TIMP3: variants seen among roughly 807,000 people sequenced by gnomAD.
TIMP3 encodes TIMP metallopeptidase inhibitor 3.
TIMP3 carries 11 observed loss-of-function variants against 30.0 expected under a neutral mutation model. That is an observed-to-expected ratio of 0.37 (90% CI 0.23 to 0.61). The LOEUF is 0.61. TIMP3 is among the 20% of genes least tolerant of loss of function. The pLI, the probability that TIMP3 is intolerant of heterozygous loss-of-function variation, is 0.70. For missense variants in TIMP3, 181 were observed against 276.8 expected (o/e 0.65, Z 2.45); for synonymous variants, 112 against 111.3 (o/e 1.01, Z -0.04).
In TIMP3 at chr22:32,801,953, A is replaced by C. The variant is rs768022114; in HGVS notation, c.-49A>C. ...CAGCCCCGCCGGCGGCGCGCACGGCAACTTTGGAGAGGCGAGCAGCAGCCC... is the reference window on the plus strand; with the variant it reads ...CAGCCCCGCCGGCGGCGCGCACGGCCACTTTGGAGAGGCGAGCAGCAGCCC... On this transcript the variant is annotated 5_prime_UTR_variant, in exon 1 of 5. Transcript: ENST00000266085. This position sits in a 1 kb window ranked among gnomAD's most constrained non-coding sequence, Gnocchi z 4.7. 3.9e-6 allele frequency: 6 copies of C among 1,555,534 alleles called. No homozygotes were observed. The highest frequency in any genetic ancestry group is 5.2e-6 in the Non-Finnish European group (6 of 1,160,464).
intron 1 of TIMP3, among the ~76,000 whole-genome samples, chr22:32,808,329 C>CTT (rs2046820877): frequency 6.6e-6 from 1 of 152,200 alleles, no homozygotes; most frequent in South Asian, 2.1e-4. Context: ...ACTCACTCAT[C>CTT]TGTCTCCCTT....
intron 1 of TIMP3, among the ~76,000 whole-genome samples, chr22:32,848,173 C>T (rs1288976723): frequency 6.6e-6 from 1 of 152,180 alleles, no homozygotes; most frequent in South Asian, 2.1e-4. Flanking sequence ...AAGTCAAGTC[C>T]TCTCCTCTTT....
intron 1 of TIMP3, among the ~76,000 whole-genome samples, chr22:32,849,076 A>G (rs1250198053): frequency 1.3e-5 from 2 of 152,238 alleles, no homozygotes; most frequent in African/African-American, 4.8e-5. Flanking sequence ...CTGGGAGACC[A>G]TGGCATTGTC....
At chr22:32,849,966 C>T (rs1009745578) in intron 2 of TIMP3, among the ~76,000 whole-genome samples, 3 of 151,926 alleles carry the variant, frequency 2.0e-5, no homozygotes, top group Admixed American at 6.6e-5. Context: ...AGGTTTCATG[C>T]AGCCACTGAG....
In TIMP3 at chr22:32,834,622, G is replaced by A. The variant is rs2047677284; in HGVS notation, c.122-14830G>A. Among the ~76,000 whole-genome samples, 3 of 152,204 alleles carry A rather than the reference G, an allele frequency of 2.0e-5. No homozygotes were observed. The South Asian group carries it at 6.2e-4, about 31-fold the overall frequency. ...TGTGTATGTTTTGCAGATACTCTGT[G>A]GTGTGGCAATTGCTCTAGAGGACTC... On this transcript the variant is annotated intron_variant, in intron 1 of 4. Coordinates refer to ENST00000266085, the MANE Select transcript of TIMP3 (RefSeq NM_000362.5).
At chr22:32,842,048 G>T (rs5998645) in intron 1 of TIMP3, among the ~76,000 whole-genome samples, 1 of 152,086 alleles carries the variant, frequency 6.6e-6, no homozygotes, top group Non-Finnish European at 1.5e-5. Flanking sequence ...GGAGAGGTTA[G>T]GGGGGAGGCT....
At chr22:32,855,610 G>A (rs1304790559) in intron 2 of TIMP3, among the ~76,000 whole-genome samples, 1 of 152,172 alleles carries the variant, frequency 6.6e-6, no homozygotes, top group African/African-American at 2.4e-5. Context: ...TTGTCATGGT[G>A]ATTCGTGGGC....
chr22:32,832,260 A>G (rs2047594586), intron 1 of TIMP3, among the ~76,000 whole-genome samples: 1 of 152,196 alleles, frequency 6.6e-6, no homozygotes, highest in Non-Finnish European at 1.5e-5. Flanking sequence ...GCACGTGACA[A>G]CTTGGACCAC....
intron 1 of TIMP3, among the ~76,000 whole-genome samples, chr22:32,844,488 G>A (rs1043943003): frequency 6.6e-6 from 1 of 152,130 alleles, no homozygotes; most frequent in Non-Finnish European, 1.5e-5. Flanking sequence ...TAGCACTCTT[G>A]CCCAAACAAA....
At chr22:32,822,734 A>T (rs1480890819) in intron 1 of TIMP3, among the ~76,000 whole-genome samples, 1 of 152,200 alleles carries the variant, frequency 6.6e-6, no homozygotes, top group Non-Finnish European at 1.5e-5. Context: ...ATCAGAAGTC[A>T]AAGGAGGTGG....
chr22:32,813,047 C>T (rs756762830), intron 1 of TIMP3, among the ~76,000 whole-genome samples: 12 of 152,152 alleles, frequency 7.9e-5, no homozygotes, highest in Admixed American at 1.3e-4. Flanking sequence ...TCTCTTTTGG[C>T]CTGGATTTCC....
intron 2 of TIMP3, among the ~76,000 whole-genome samples, chr22:32,855,287 C>T (rs749622989): frequency 1.3e-4 from 20 of 152,178 alleles, no homozygotes; most frequent in Non-Finnish European, 2.5e-4. Context: ...AATCACAAAG[C>T]GGACTCAGCT....
chr22:32,832,324 G>T (rs2047597268), intron 1 of TIMP3, among the ~76,000 whole-genome samples: 1 of 152,178 alleles, frequency 6.6e-6, no homozygotes, highest in African/African-American at 2.4e-5. Flanking sequence ...GAAATATAAA[G>T]TGATGGGACT....
At chr22:32,833,065 A>G (rs922446645) in intron 1 of TIMP3, among the ~76,000 whole-genome samples, 19 of 152,084 alleles carry the variant, frequency 1.2e-4, no homozygotes, top group African/African-American at 4.6e-4. Flanking sequence ...TTTTAACACT[A>G]GAAGTACTTA....
At chr22:32,808,554 A>G (rs2145972982) in intron 1 of TIMP3, among the ~76,000 whole-genome samples, 1 of 152,304 alleles carries the variant, frequency 6.6e-6, no homozygotes, top group Middle Eastern at 3.4e-3. Flanking sequence ...AATGGCTTTT[A>G]CAAGGGCCAG....
Position 32,801,829 on chromosome 22 carries a change from G to A in TIMP3, c.-173G>A. 2.7e-6 allele frequency: 2 copies of A among 751,142 alleles called. No individual in the cohort carries two copies. Among genetic ancestry groups the A allele is most frequent in the South Asian group, 1.2e-4 (2 of 16,508 alleles). The allele number at this position is 751,142 out of a possible 1,614,324, so 46.5% of individuals were successfully genotyped here. ...CCTGCGCCAGCGCCGAGGCAGCCTC[G>A]CTGCGCCCCATCCCGTCCCGCCGGG... On this transcript the variant is annotated 5_prime_UTR_variant, in exon 1 of 5. Transcript: ENST00000266085. The surrounding 1 kb of genome is among the most constrained non-coding windows in gnomAD (Gnocchi z 4.7).
At chr22:32,850,061 C>T (rs754942318) in intron 2 of TIMP3, among the ~76,000 whole-genome samples, 1 of 150,682 alleles carries the variant, frequency 6.6e-6, no homozygotes, top group Non-Finnish European at 1.5e-5. Flanking sequence ...AGGAACTTCA[C>T]CTTCTTTCCC....
chr22:32,833,592 T>C (rs2047641666), intron 1 of TIMP3, among the ~76,000 whole-genome samples: 1 of 152,174 alleles, frequency 6.6e-6, no homozygotes, highest in Non-Finnish European at 1.5e-5. Flanking sequence ...CTGTGAAATG[T>C]GCCCATGCCA....
At chr22:32,831,161 T>C (rs527431269) in intron 1 of TIMP3, among the ~76,000 whole-genome samples, 2 of 152,288 alleles carry the variant, frequency 1.3e-5, no homozygotes, top group South Asian at 4.1e-4. Flanking sequence ...CTCAAGCATG[T>C]CCTTCAGGAG....
Sources: gnomAD v4.1 joint callset for allele counts (sites outside exome capture counted in the v4.1 genomes callset) on GRCh38, gnomAD v4.1.1 for gene constraint, Gnocchi (gnomAD v3.1) non-coding constraint, MANE v1.5 for transcripts, NCBI Gene and HGNC (gene_info 2026-07-23, HGNC 2026-07-21) for gene names.